DST: variants seen among roughly 807,000 people sequenced by gnomAD.
DST encodes the protein dystonin.
A neutral mutation model predicts 875.2 loss-of-function variants in DST; 253 were observed. The observed-to-expected ratio is 0.29, with a 90% CI of 0.26 to 0.32. DST has a LOEUF of 0.32. Among genes scored for constraint, DST ranks in the 10% least tolerant of loss-of-function variants. The pLI is 1.00. For synonymous variants in DST, 3,124 were observed against 3,197.1 expected (o/e 0.98, Z 0.77); for missense variants, 8,287 against 9,111.6 (o/e 0.91, Z 3.68).
chr6:56,463,979 A>G, intron 100 of DST: 1 of 665,466 alleles, frequency 1.5e-6, no homozygotes, highest in Non-Finnish European at 2.8e-6. Context: ...TTCGGGGAGG[A>G]AAAAATAAAG....
At chr6:56,666,108 ATTAGAAAATTATATTTT>A (rs1297917228) in intron 10 of DST, among the ~76,000 whole-genome samples, 1 of 152,184 alleles carries the variant, frequency 6.6e-6, no homozygotes, top group African/African-American at 2.4e-5. Context: ...AAACATGACA[ATTAGAAAATTATATTTT>A]CTACGGAAAA....
chr6:56,633,897 GCCTC>G (rs796148859), intron 27 of DST, among the ~76,000 whole-genome samples: 36 of 152,252 alleles, frequency 2.4e-4, no homozygotes, highest in African/African-American at 8.7e-4. Context: ...ACTACATTCT[GCCTC>G]CCTATCTCAC....
At chr6:56,602,010 C>T (rs1353532876) in intron 43 of DST, 2 of 442,382 alleles carry the variant, frequency 4.5e-6, no homozygotes, top group Non-Finnish European at 8.8e-6. Flanking sequence ...GAAACATCTA[C>T]CTTAAAATAT....
At chr6:56,940,191 T>TAC (rs59001581) in intron 2 of DST, among the ~76,000 whole-genome samples, 4,030 of 142,164 alleles carry the variant, frequency 0.028, 99 homozygotes, top group African/African-American at 0.077. Flanking sequence ...ATTACCCCCA[T>TAC]ACACACACAC....
At chr6:56,938,889 G>A (rs909777819) in intron 2 of DST, among the ~76,000 whole-genome samples, 6 of 152,244 alleles carry the variant, frequency 3.9e-5, no homozygotes, top group African/African-American at 1.4e-4. Flanking sequence ...ACTTCCAGCT[G>A]TGATGAGCCA....
Position 56,511,157 on chromosome 6 carries a change from T to A in DST, c.18780+40A>T, listed in dbSNP as rs751634410. 2.0e-6 allele frequency: 3 copies of A among 1,504,880 alleles called. No individual in the cohort carries two copies. The Admixed American group carries it at 6.0e-5, about 30-fold the overall frequency. 93.2% of individuals were successfully genotyped at this position (1,504,880 alleles called of 1,614,324 possible). On this transcript the variant is annotated intron_variant, in intron 73 of 103. Coordinates refer to ENST00000680361, the MANE Select transcript of DST (RefSeq NM_001374736.1). ...GAAAATGTCTTTCTGTGCTCTGTTG[T>A]CTGCAAGAACCCAATTCTATATCTA... is the stretch of plus-strand genomic sequence containing the variant.
At chr6:56,527,843 C>T in intron 67 of DST, 109 bp from the exon 68 acceptor site, 4 of 1,135,244 alleles carry the variant, frequency 3.5e-6, no homozygotes, top group Non-Finnish European at 4.7e-6. Context: ...CAAAAGGAGA[C>T]ATTTTTCTAA....
chr6:56,599,568 GC>G (rs1297390427), intron 45 of DST, among the ~76,000 whole-genome samples: 1 of 152,034 alleles, frequency 6.6e-6, no homozygotes, highest in Non-Finnish European at 1.5e-5. Flanking sequence ...TGAACCAGGA[GC>G]TATCTACTTA....
intron 2 of DST, among the ~76,000 whole-genome samples, chr6:56,941,008 T>C (rs569491276): frequency 4.1e-4 from 62 of 152,278 alleles, no homozygotes; most frequent in African/African-American, 1.4e-3. Context: ...AGAGTCTAAT[T>C]TGGTTTTCTC....
At chr6:56,658,064 C>A (rs1195074359) in intron 10 of DST, among the ~76,000 whole-genome samples, 1 of 151,538 alleles carries the variant, frequency 6.6e-6, no homozygotes, top group Non-Finnish European at 1.5e-5. Flanking sequence ...CTGCGCCTGG[C>A]CGTAATTCTT....
intron 10 of DST, among the ~76,000 whole-genome samples, chr6:56,660,774 T>C (rs897285642): frequency 3.3e-5 from 5 of 151,692 alleles, no homozygotes; most frequent in Non-Finnish European, 5.9e-5. Flanking sequence ...TTTTTTTTTT[T>C]CTACAAAGTG....
intron 80 of DST, among the ~76,000 whole-genome samples, chr6:56,500,004 G>A (rs1352926497): frequency 1.3e-5 from 2 of 152,134 alleles, no homozygotes; most frequent in East Asian, 3.9e-4. Flanking sequence ...ATGTGGCTGG[G>A]CAATGACTAT....
Position 56,498,031 on chromosome 6 carries a change from G to A in DST, c.19919C>T (p.Ala6640Val). 1 of 1,612,448 alleles carries A rather than the reference G, an allele frequency of 6.2e-7. No individual in the cohort carries two copies. Among genetic ancestry groups the A allele is most frequent in the Non-Finnish European group, 8.5e-7 (1 of 1,179,178 alleles). ...AACGGCTTCCACTGTGGACTGATGG[G>A]CTAATACATCATTTTGGAGCACCTG... is the stretch of plus-strand genomic sequence containing the variant. ...KHHVLQNDVLAHQSTVEAVNK... is the reference protein window; with the variant it reads ...KHHVLQNDVLVHQSTVEAVNK... Residue 6640 changes from alanine to valine, a missense_variant, in exon 81 of 104, where the codon GCC becomes GTC. Around this residue, in one of 10 missense-constraint regions of DST, gnomAD observed 1,292 missense variants for 1,552.7 expected, o/e 0.83. Transcript: ENST00000680361.
At chr6:56,581,630 A>G (rs371091428) in intron 49 of DST, among the ~76,000 whole-genome samples, 115 of 152,340 alleles carry the variant, frequency 7.5e-4, no homozygotes, top group African/African-American at 2.6e-3. Context: ...AGATTTCTGC[A>G]AAAGTGGGCT....
intron 4 of DST, among the ~76,000 whole-genome samples, chr6:56,780,546 A>G (rs1347657371): frequency 1.3e-5 from 2 of 151,986 alleles, no homozygotes; most frequent in African/African-American, 4.8e-5. Flanking sequence ...GTCTGTTCAT[A>G]TCCTTTGCCC....
At chr6:56,719,758 G>A (rs771282184) in intron 5 of DST, among the ~76,000 whole-genome samples, 18 of 152,194 alleles carry the variant, frequency 1.2e-4, no homozygotes, top group Non-Finnish European at 1.8e-4. Flanking sequence ...TGGGCGTCTG[G>A]GGGAGACATC....
chr6:56,617,571 T>C (rs928753901), intron 36 of DST, among the ~76,000 whole-genome samples: 2 of 152,100 alleles, frequency 1.3e-5, no homozygotes, highest in Non-Finnish European at 2.9e-5. Context: ...GGAATAAGTA[T>C]TATATTATTT....
chr6:56,834,963 T>C (rs576320480), intron 4 of DST, among the ~76,000 whole-genome samples: 6 of 152,288 alleles, frequency 3.9e-5, no homozygotes, highest in African/African-American at 1.4e-4. Context: ...CTTCAGTCGG[T>C]GAATGGATAA....
chr6:56,584,444 G>A (rs1308024630), intron 49 of DST, among the ~76,000 whole-genome samples: 1 of 151,586 alleles, frequency 6.6e-6, no homozygotes, highest in African/African-American at 2.4e-5. Context: ...CATTGATTTT[G>A]TATCCTGAGA....
Sources: allele counts gnomAD v4.1 joint callset (sites outside exome capture counted in the v4.1 genomes callset), GRCh38; gene constraint gnomAD v4.1.1; regional missense constraint gnomAD v4.1.1; transcripts MANE v1.5; gene names NCBI Gene and HGNC (gene_info 2026-07-23, HGNC 2026-07-21).